Variants in WWOX observed in about 807,000 individuals in gnomAD.
WWOX encodes WW domain containing oxidoreductase, also known as WW domain-containing oxidoreductase.
WWOX carries 69 observed loss-of-function variants against 46.2 expected under a neutral mutation model. That is an observed-to-expected ratio of 1.49 (90% confidence interval 1.23 to 1.82). The LOEUF is 1.82. Among genes scored for constraint, WWOX ranks in the 40% most tolerant of loss-of-function variants. The pLI is 0.00. For synonymous variants in WWOX, 359 were observed against 202.6 expected (o/e 1.77, Z -6.56); for missense variants, 919 against 542.6 (o/e 1.69, Z -6.89).
chr16:78,763,817 T>A (rs1210692351), intron 8 of WWOX, among the ~76,000 whole-genome samples: 1 of 152,260 alleles, frequency 6.6e-6, no homozygotes, highest in Non-Finnish European at 1.5e-5. Flanking sequence ...AGCATAATTG[T>A]CAGCATAGTA....
intron 8 of WWOX, among the ~76,000 whole-genome samples, chr16:78,694,182 C>A (rs1304196839): frequency 6.6e-6 from 1 of 152,110 alleles, no homozygotes; most frequent in Non-Finnish European, 1.5e-5. Flanking sequence ...TACTTCATTC[C>A]AGCCTGGGCA....
intron 8 of WWOX, among the ~76,000 whole-genome samples, chr16:79,048,434 A>G (rs1271277855): frequency 6.6e-6 from 1 of 151,962 alleles, no homozygotes; most frequent in East Asian, 1.9e-4. Flanking sequence ...CCGTGATGTA[A>G]TTAGGGCTTC....
intron 8 of WWOX, among the ~76,000 whole-genome samples, chr16:79,141,613 T>C (rs28435238): frequency 0.033 from 4,967 of 152,296 alleles, 313 homozygotes; most frequent in African/African-American, 0.11. Context: ...AAAAATGTCC[T>C]CCAAAGAAGT....
chr16:78,392,077 G>T (rs1254973074), intron 6 of WWOX, among the ~76,000 whole-genome samples: 1 of 151,236 alleles, frequency 6.6e-6, no homozygotes, highest in East Asian at 1.9e-4. Flanking sequence ...AGGGGTCCAT[G>T]ACCTCTAGGC....
intron 8 of WWOX, among the ~76,000 whole-genome samples, chr16:78,773,030 C>T (rs543518121): frequency 2.6e-5 from 4 of 151,970 alleles, no homozygotes; most frequent in Non-Finnish European, 5.9e-5. Flanking sequence ...CAGACCTTGT[C>T]TCCAAAGCAA....
intron 8 of WWOX, among the ~76,000 whole-genome samples, chr16:78,978,047 C>T (rs1284918393): frequency 1.3e-5 from 2 of 152,206 alleles, no homozygotes; most frequent in Non-Finnish European, 2.9e-5. Context: ...CTACCCATTC[C>T]TCTTCCCTAC....
intron 8 of WWOX, among the ~76,000 whole-genome samples, chr16:79,058,424 A>G (rs189981320): frequency 1.4e-3 from 206 of 152,180 alleles, no homozygotes; most frequent in Non-Finnish European, 2.3e-3. Context: ...GTTACCATTT[A>G]TTGAAAGGGA....
At chr16:78,717,568 G>C (rs2048592918) in intron 8 of WWOX, among the ~76,000 whole-genome samples, 1 of 152,116 alleles carries the variant, frequency 6.6e-6, no homozygotes, top group South Asian at 2.1e-4. Flanking sequence ...GGACAAAGAA[G>C]GTTTCCTGGT....
At chr16:78,507,340 A>G (rs2151481991) in intron 8 of WWOX, among the ~76,000 whole-genome samples, 1 of 152,342 alleles carries the variant, frequency 6.6e-6, no homozygotes, top group East Asian at 1.9e-4. Flanking sequence ...TGCTTATTTT[A>G]AGCAACTGAC....
intron 5 of WWOX, among the ~76,000 whole-genome samples, chr16:78,318,017 C>T (rs1255334118): frequency 2.0e-5 from 3 of 152,120 alleles, no homozygotes; most frequent in Non-Finnish European, 4.4e-5. Context: ...AGTATTTGGA[C>T]CGCTGCCTGC....
intron 6 of WWOX, among the ~76,000 whole-genome samples, chr16:78,422,784 T>TAC (rs1305395657): frequency 4.7e-5 from 5 of 107,292 alleles, no homozygotes; most frequent in Admixed American, 1.8e-4. Context: ...CATATATATA[T>TAC]ACACACACAC....
chr16:78,697,330 T>C (rs1244973545), intron 8 of WWOX, among the ~76,000 whole-genome samples: 1 of 152,186 alleles, frequency 6.6e-6, no homozygotes, highest in Non-Finnish European at 1.5e-5. Flanking sequence ...ATATCTATTA[T>C]TTTTTGCATT....
chr16:78,197,918 C>T (rs2036106629), intron 5 of WWOX, among the ~76,000 whole-genome samples: 1 of 152,150 alleles, frequency 6.6e-6, no homozygotes. Flanking sequence ...TACTCCTCCT[C>T]CTTCCCTGTA....
intron 5 of WWOX, among the ~76,000 whole-genome samples, chr16:78,201,753 G>C (rs1341763454): frequency 6.6e-6 from 1 of 151,958 alleles, no homozygotes; most frequent in Admixed American, 6.6e-5. Flanking sequence ...AGTCTGGAGT[G>C]CAGTGGTGTG....
At chr16:78,591,020 C>T (rs1266832721) in intron 8 of WWOX, among the ~76,000 whole-genome samples, 3 of 152,100 alleles carry the variant, frequency 2.0e-5, no homozygotes. Flanking sequence ...ACGGTGGCTC[C>T]ACCAGTATGA....
At position 78,685,911 on chromosome 16, in the gene WWOX, A is replaced by C. The variant is rs1398691528; in HGVS notation, c.1056+253159A>C. Among the ~76,000 whole-genome samples the C allele has an allele frequency of 3.3e-5, 4 of 120,812 alleles. No individual in the cohort carries two copies. The South Asian group carries it at 1.2e-3, about 35-fold the overall frequency. 79.3% of individuals were successfully genotyped at this position (120,812 alleles called of 152,430 possible). Reference sequence around the variant, plus strand: ...AGAGAGGAAAAAAAACAAAAAAGAAAAAGAAAAAAGAGAGGTGGGTAGGGA... The same window carrying C: ...AGAGAGGAAAAAAAACAAAAAAGAACAAGAAAAAAGAGAGGTGGGTAGGGA... On this transcript the variant is annotated intron_variant, in intron 8 of 8. Coordinates refer to ENST00000566780, the MANE Select transcript of WWOX (RefSeq NM_016373.4).
intron 5 of WWOX, among the ~76,000 whole-genome samples, chr16:78,357,363 C>T (rs372787990): frequency 2.0e-5 from 3 of 152,142 alleles, no homozygotes; most frequent in African/African-American, 7.2e-5. Context: ...TGCAAAGGAA[C>T]CTGCACTGTG....
intron 8 of WWOX, among the ~76,000 whole-genome samples, chr16:78,953,400 C>G (rs890307321): frequency 6.6e-6 from 1 of 152,164 alleles, no homozygotes; most frequent in Non-Finnish European, 1.5e-5. Context: ...ATTGCAAACA[C>G]AAAATTCAAA....
At chr16:78,365,869 T>G (rs779464224) in intron 5 of WWOX, among the ~76,000 whole-genome samples, 4 of 152,218 alleles carry the variant, frequency 2.6e-5, no homozygotes, top group Non-Finnish European at 4.4e-5. Context: ...TAGTTCTCCT[T>G]TCCTTACAGA....
Sources: allele counts gnomAD v4.1 joint callset (sites outside exome capture counted in the v4.1 genomes callset), GRCh38; gene constraint gnomAD v4.1.1; transcripts MANE v1.5; gene names NCBI Gene and HGNC (gene_info 2026-07-23, HGNC 2026-07-21).